Variants in BUB1 observed in about 807,000 individuals in gnomAD.
BUB1 encodes the protein BUB1 mitotic checkpoint serine/threonine kinase.
In BUB1, 84 loss-of-function variants were observed where a neutral mutation model predicts 135.2. That is an observed-to-expected ratio of 0.62 (90% CI 0.52 to 0.74). The LOEUF (loss-of-function observed/expected upper bound fraction) is 0.74, where lower values mean the gene tolerates loss of function less well. Among genes scored for constraint, BUB1 ranks in the 30% least tolerant of loss-of-function variants. The pLI is 0.00. For synonymous variants in BUB1, 403 were observed against 434.4 expected (o/e 0.93, Z 0.90); for missense variants, 1,162 against 1,288.3 (o/e 0.90, Z 1.50).
chr2:110,654,734 A>G (rs1432775425), intron 16 of BUB1, among the ~76,000 whole-genome samples: 1 of 151,148 alleles, frequency 6.6e-6, no homozygotes, highest in East Asian at 1.9e-4. Flanking sequence ...AAAGAAATTT[A>G]TTATATTGGA....
intron 11 of BUB1, among the ~76,000 whole-genome samples, chr2:110,659,661 T>C (rs1403976188): frequency 1.3e-5 from 2 of 152,234 alleles, no homozygotes; most frequent in African/African-American, 4.8e-5. Flanking sequence ...GTAACACTCC[T>C]AATTAAACTT....
chr2:110,646,289 T>C (rs374520963), intron 19 of BUB1, among the ~76,000 whole-genome samples: 4 of 150,590 alleles, frequency 2.7e-5, no homozygotes, highest in East Asian at 2.0e-4. Flanking sequence ...TGAGCCAAGA[T>C]TGTGCCACTG....
chr2:110,650,754 G>A lies in BUB1; in HGVS notation c.1995C>T (p.Ala665=). The A allele has an allele frequency of 1.2e-6, 2 of 1,613,972 alleles. No individual in the cohort carries two copies. Among genetic ancestry groups the A allele is most frequent in the South Asian group, 1.1e-5 (1 of 91,078 alleles). ...ATGCTGAATACATGTGAGACGACAA[G>A]GCCTGTTTTGGGCTTTTCTCTTGAA... The part of the protein sequence containing the change: ...SPIQEKSPKQ[A]LSSHMYSASL... The change falls in exon 18 of 25, where the codon GCC becomes GCT. Residue 665 remains alanine (A), a synonymous_variant. Transcript: ENST00000302759.
At chr2:110,654,370 A>G (rs1012178129) in intron 16 of BUB1, among the ~76,000 whole-genome samples, 5 of 152,196 alleles carry the variant, frequency 3.3e-5, no homozygotes, top group African/African-American at 7.2e-5. Context: ...AAATCTATCT[A>G]TAGATAGGTA....
chr2:110,673,736 T>G (rs1442523434), intron 3 of BUB1, among the ~76,000 whole-genome samples: 1 of 152,074 alleles, frequency 6.6e-6, no homozygotes. Context: ...GTAGCTGGGA[T>G]TACAGGTGCC....
At chr2:110,662,936 A>G (rs1690137047) in intron 9 of BUB1, among the ~76,000 whole-genome samples, 1 of 152,242 alleles carries the variant, frequency 6.6e-6, no homozygotes, top group South Asian at 2.1e-4. Flanking sequence ...CTCACCTACC[A>G]AATTAGTAAA....
In BUB1 at chr2:110,639,813, G is replaced by C; in HGVS notation, c.2991C>G (p.Cys997Trp). 1.2e-6 allele frequency: 2 copies of C among 1,614,050 alleles called. No homozygotes were observed. The highest frequency in any genetic ancestry group is 1.7e-6 in the Non-Finnish European group (2 of 1,179,962). Residue 997 changes from cysteine to tryptophan, a missense_variant, in exon 24 of 25, where the codon TGC becomes TGG. Physicochemically the swap from Cys to Trp is radical, Grantham distance 215 (BLOSUM62 -2). Coordinates refer to ENST00000302759, the MANE Select transcript of BUB1 (RefSeq NM_004336.5). ...CTTTCATGTAAGTGCCAAAGAGCAT[G>C]CAATATACTGTTGCAGCAACCCCAA... ...DYFGVAATVY[C>W]MLFGTYMKVK...
Position 110,674,376 on chromosome 2 carries a change from G to A in BUB1, c.27-11C>T, listed in dbSNP as rs1029989130. ...TGGGCTTCAAGCATCCTAGAAGAGA[G>A]AAAGGTATGCACATGGGATATTAGG... On this transcript the variant is annotated splice_polypyrimidine_tract_variant and intron_variant, in intron 1 of 24. Transcript: ENST00000302759. 3 of 1,613,272 alleles carry A rather than the reference G, an allele frequency of 1.9e-6. No individual in the cohort carries two copies. Among genetic ancestry groups the A allele is most frequent in the African/African-American group, 2.7e-5 (2 of 74,892 alleles).
intron 23 of BUB1, among the ~76,000 whole-genome samples, chr2:110,640,541 T>C (rs559961637): frequency 1.7e-4 from 26 of 152,218 alleles, no homozygotes; most frequent in African/African-American, 6.3e-4. Flanking sequence ...ATGATCCATT[T>C]CTTGATCTGG....
At chr2:110,642,073 T>TA in intron 20 of BUB1, 46 bp downstream of exon 20, 1 of 1,411,726 alleles carries the variant, frequency 7.1e-7, no homozygotes, top group Non-Finnish European at 9.6e-7. Context: ...ACTCAAGTTC[T>TA]AAAATTCATT....
intron 10 of BUB1, among the ~76,000 whole-genome samples, chr2:110,660,322 G>T (rs556153605): frequency 4.4e-4 from 67 of 152,066 alleles, no homozygotes; most frequent in Middle Eastern, 3.4e-3. Context: ...GTTGCAGTGA[G>T]CCAAGATCGC....
At chr2:110,638,241 C>T in intron 24 of BUB1, 82 bp from the exon 25 acceptor site, 1 of 1,118,174 alleles carries the variant, frequency 8.9e-7, no homozygotes, top group South Asian at 1.7e-5. Flanking sequence ...CTGACTTCCA[C>T]AGGCTTGGAC....
At chr2:110,677,368 A>G (rs1690618677) in intron 1 of BUB1, among the ~76,000 whole-genome samples, 2 of 152,244 alleles carry the variant, frequency 1.3e-5, no homozygotes, top group Non-Finnish European at 2.9e-5. Context: ...AAATGCCTTT[A>G]AGTAACAGTC....
intron 5 of BUB1, among the ~76,000 whole-genome samples, chr2:110,670,113 A>C (rs1189588189): frequency 2.0e-5 from 3 of 151,228 alleles, no homozygotes; most frequent in Non-Finnish European, 4.4e-5. Context: ...GGTTTTCATT[A>C]AAAATTGGAT....
chr2:110,661,134 A>C lies in BUB1; in HGVS notation c.1217+448T>G, dbSNP rs73954652. The C allele has an allele frequency of 8.8e-3, 1,348 of 153,504 alleles. 29 individuals are homozygous for C. Among genetic ancestry groups the C allele is most frequent in the African/African-American group, 0.03 (1,267 of 41,620 alleles). The allele number at this position is 153,504 out of a possible 1,614,324, so 9.5% of individuals were successfully genotyped here. ...AAATTGGGGTAAAAACTTCCAGTGC[A>C]GAGGTACATTTTGAGAGACAGAATC... On this transcript the variant is annotated intron_variant, in intron 10 of 24. Transcript: ENST00000302759.
intron 8 of BUB1, 65 bp downstream of exon 8, chr2:110,667,456 T>C: frequency 7.0e-7 from 1 of 1,435,672 alleles, no homozygotes; most frequent in Non-Finnish European, 9.5e-7. Context: ...AAAAAAGTAA[T>C]TACTCAGAGA....
rs373877428 is a variant in BUB1 at position 110,661,854 on chromosome 2, A to T, written c.958-13T>A. The T allele has an allele frequency of 1.9e-6, 3 of 1,609,704 alleles. No individual in the cohort carries two copies. The highest frequency in any genetic ancestry group is 8.5e-7 in the Non-Finnish European group (1 of 1,177,658). ...GTGCTGGATTAACCTTTCATATTAA[A>T]CAAACAAACAACAAAAACAAAACCA... On this transcript the variant is annotated splice_polypyrimidine_tract_variant and intron_variant, in intron 9 of 24. Coordinates refer to ENST00000302759, the MANE Select transcript of BUB1 (RefSeq NM_004336.5).
intron 23 of BUB1, chr2:110,640,088 C>T: frequency 1.7e-6 from 1 of 591,404 alleles, no homozygotes; most frequent in Non-Finnish European, 3.1e-6. Context: ...CTCTCAAGTC[C>T]TTCATTCTGT....
At chr2:110,674,793 T>C (rs1230996622) in intron 1 of BUB1, 2 of 209,032 alleles carry the variant, frequency 9.6e-6, no homozygotes, top group African/African-American at 2.5e-5. Flanking sequence ...GACTCAGACC[T>C]CTGCCCTTCC....
Sources: allele counts gnomAD v4.1 joint callset (sites outside exome capture counted in the v4.1 genomes callset), GRCh38; gene constraint gnomAD v4.1.1; transcripts MANE v1.5; gene names NCBI Gene and HGNC (gene_info 2026-07-23, HGNC 2026-07-21).